PDE1C: variants seen among roughly 807,000 people sequenced by gnomAD.
PDE1C encodes the protein phosphodiesterase 1C, also known as dual specificity calcium/calmodulin-dependent 3',5'-cyclic nucleotide phosphodiesterase 1C.
Under a neutral mutation model 93.1 loss-of-function variants are expected in PDE1C, and 62 were observed. That is an observed-to-expected ratio of 0.67 (90% CI 0.54 to 0.82). The LOEUF is 0.82. PDE1C is among the 40% of genes least tolerant of loss of function. PDE1C has a pLI of 0.00. For missense variants in PDE1C, 742 were observed against 884.6 expected (o/e 0.84, Z 2.04); for synonymous variants, 325 against 310.1 (o/e 1.05, Z -0.50).
At chr7:31,701,512 T>G in the PDE1C span, among the ~76,000 whole-genome samples, 1 of 152,218 alleles carries the variant, frequency 6.6e-6, no homozygotes, top group Non-Finnish European at 1.5e-5. Flanking sequence ...ACAAAGGGTT[T>G]AGAATATTAT....
chr7:31,810,193 G>A (rs1244513533), intron 15 of PDE1C, among the ~76,000 whole-genome samples: 1 of 152,074 alleles, frequency 6.6e-6, no homozygotes, highest in African/African-American at 2.4e-5. Context: ...AAGGTCAGGG[G>A]CCTCTTCACC....
At chr7:31,653,968 G>A in the PDE1C span, among the ~76,000 whole-genome samples, 5 of 151,042 alleles carry the variant, frequency 3.3e-5, no homozygotes, top group East Asian at 4.0e-4. Flanking sequence ...CCTACTGTGT[G>A]CAGGCTACTA....
intron 2 of PDE1C, among the ~76,000 whole-genome samples, chr7:31,916,605 G>T (rs1184184023): frequency 6.6e-6 from 1 of 152,150 alleles, no homozygotes; most frequent in Admixed American, 6.5e-5. Context: ...GACAGGTTAC[G>T]GGGTAGCTTT....
intron 2 of PDE1C, among the ~76,000 whole-genome samples, chr7:31,936,744 T>C (rs1805141039): frequency 6.6e-6 from 1 of 151,830 alleles, no homozygotes; most frequent in Non-Finnish European, 1.5e-5. Flanking sequence ...ATACAAAGAG[T>C]TCTGGCACAC....
Position 32,359,447 on chromosome 7 carries a change from T to C in PDE1C, c.310+68375A>G, listed in dbSNP as rs533510776. The stretch of plus-strand genomic sequence containing the variant: ...TATGACTCATTTATTTTATTCATCA[T>C]CTATCTTTCCCACTAAATTGTAAAT... On this transcript the variant is annotated intron_variant, in intron 1 of 1. Coordinates refer to the PDE1C transcript ENST00000672256. Among the ~76,000 whole-genome samples, 103 of 152,362 alleles carry C rather than the reference T, an allele frequency of 6.8e-4. 1 individual carries two copies. Among genetic ancestry groups the C allele is most frequent in the Middle Eastern group, 6.8e-3 (2 of 294 alleles).
rs529233713 is a variant in PDE1C, at chr7:31,752,550, A to G, written c.*834T>C. The G allele has an allele frequency of 4.6e-5, 7 of 152,292 alleles. No homozygotes were observed. The highest frequency in any genetic ancestry group is 1.7e-4 in the African/African-American group (7 of 41,582). 9.4% of individuals were successfully genotyped at this position (152,292 alleles called of 1,614,324 possible). On this transcript the variant is annotated 3_prime_UTR_variant, in exon 18 of 18. Transcript: ENST00000396191. The stretch of plus-strand genomic sequence containing the variant: ...TTTTACACCCTCTTGGCCTAGGACC[A>G]CAAAATCAAACTGACATCTTTTGCA...
At chr7:31,786,129 C>T (rs1326415140) in intron 16 of PDE1C, 3 of 152,168 alleles carry the variant, frequency 2.0e-5, no homozygotes, top group Non-Finnish European at 2.9e-5. Flanking sequence ...ATTCCTCATG[C>T]TGCACATAGA....
At chr7:32,159,664 G>A (rs547273334) in intron 3 of PDE1C, among the ~76,000 whole-genome samples, 1 of 152,282 alleles carries the variant, frequency 6.6e-6, no homozygotes, top group Non-Finnish European at 1.5e-5. Context: ...AGGAGAAGTA[G>A]AAAGGCAGAG....
chr7:31,639,644 C>G, the PDE1C span, among the ~76,000 whole-genome samples: 2 of 149,988 alleles, frequency 1.3e-5, no homozygotes, highest in Non-Finnish European at 3.0e-5. Context: ...TCATGCCATT[C>G]TCCTGCCTCA....
At chr7:31,889,152 A>C (rs1798320496) in intron 2 of PDE1C, among the ~76,000 whole-genome samples, 1 of 152,232 alleles carries the variant, frequency 6.6e-6, no homozygotes, top group Non-Finnish European at 1.5e-5. Flanking sequence ...CGATTCTAAA[A>C]TTTACTTAGA....
Position 32,405,854 on chromosome 7 carries a change from G to A in PDE1C, c.310+21968C>T, listed in dbSNP as rs552445782. On this transcript the variant is annotated intron_variant, in intron 1 of 1. Transcript: ENST00000672256. ...CTAGGAATGTGTAAGAAGAGTTTTTGCAGGATATGTATTCCACTATAAAGG... is the reference window on the plus strand; with the variant it reads ...CTAGGAATGTGTAAGAAGAGTTTTTACAGGATATGTATTCCACTATAAAGG... Among the ~76,000 whole-genome samples, 186 of 152,238 alleles carry A rather than the reference G, an allele frequency of 1.2e-3. 3 individuals are homozygous for A. Among genetic ancestry groups the A allele is most frequent in the Non-Finnish European group, 7.4e-4 (50 of 68,022 alleles).
intron 2 of PDE1C, among the ~76,000 whole-genome samples, chr7:32,203,462 T>C (rs1474247654): frequency 2.0e-5 from 3 of 152,022 alleles, no homozygotes; most frequent in African/African-American, 7.3e-5. Flanking sequence ...TGCCTTCCAT[T>C]TCCCATCTCT....
At chr7:32,064,680 A>G (rs913335689) in intron 1 of PDE1C, among the ~76,000 whole-genome samples, 1 of 147,792 alleles carries the variant, frequency 6.8e-6, no homozygotes, top group East Asian at 2.3e-4. Context: ...AATATTATGT[A>G]TCATAAAATA....
chr7:31,730,989 G>A, the PDE1C span, among the ~76,000 whole-genome samples: 1 of 152,028 alleles, frequency 6.6e-6, no homozygotes, highest in Non-Finnish European at 1.5e-5. Flanking sequence ...AAGGAGAGAA[G>A]GAGAGTCAAA....
chr7:31,855,069 TAAA>T (rs70989615), intron 7 of PDE1C, among the ~76,000 whole-genome samples: 8 of 107,038 alleles, frequency 7.5e-5, no homozygotes, highest in Non-Finnish European at 5.5e-5. Flanking sequence ...TCCCTCTGTC[TAAA>T]AAAAAAAAAA....
chr7:32,405,522 C>G (rs944807791), intron 1 of PDE1C, among the ~76,000 whole-genome samples: 2 of 152,162 alleles, frequency 1.3e-5, no homozygotes, highest in Non-Finnish European at 2.9e-5. Flanking sequence ...GCTGGGATTA[C>G]AGGTGTGAGC....
At chr7:31,731,100 G>A in the PDE1C span, among the ~76,000 whole-genome samples, 1 of 151,952 alleles carries the variant, frequency 6.6e-6, no homozygotes, top group Non-Finnish European at 1.5e-5. Flanking sequence ...AAGAGACTTT[G>A]AATGTTATCA....
At chr7:32,335,280 C>A (rs1783597505) in intron 1 of PDE1C, among the ~76,000 whole-genome samples, 1 of 152,144 alleles carries the variant, frequency 6.6e-6, no homozygotes, top group Non-Finnish European at 1.5e-5. Context: ...GTCATCCAAC[C>A]ACTCACATCC....
chr7:31,983,637 T>A (rs867163135), intron 2 of PDE1C, among the ~76,000 whole-genome samples: 17 of 152,178 alleles, frequency 1.1e-4, no homozygotes, highest in Admixed American at 9.2e-4. Flanking sequence ...TAATTTTTTT[T>A]AAAAAATCAC....
Sources: allele counts gnomAD v4.1 joint callset (sites outside exome capture counted in the v4.1 genomes callset), GRCh38; gene constraint gnomAD v4.1.1; transcripts MANE v1.5; gene names NCBI Gene and HGNC (gene_info 2026-07-23, HGNC 2026-07-21).